The following USH2A variants were observed in gnomAD, a reference collection of about 807,000 sequenced individuals.
USH2A encodes Usher syndrome 2A (autosomal recessive, mild).
Under a neutral mutation model 538.9 loss-of-function variants are expected in USH2A, and 443 were observed. That is an observed-to-expected ratio of 0.82 (90% CI 0.76 to 0.89). The LOEUF is 0.89. Among genes scored for constraint, USH2A ranks in the 40% least tolerant of loss-of-function variants. USH2A has a pLI of 0.00. For synonymous variants in USH2A, 2,413 were observed against 2,273.5 expected (o/e 1.06, Z -1.75); for missense variants, 6,633 against 6,324.8 (o/e 1.05, Z -1.65).
In USH2A at chr1:215,741,486, G is replaced by T; in HGVS notation, c.11600C>A (p.Pro3867Gln). Residue 3867 changes from proline (P) to glutamine (Q), a missense_variant, in exon 60 of 72, where the codon CCA (proline) becomes CAA (glutamine). Coordinates refer to ENST00000307340, the MANE Select transcript of USH2A (RefSeq NM_206933.4). ...AAGAACAGGAGAATTAAGATCCATTGGGGCTGCTTCAGGTGTTTTGACAAA... is the reference window on the plus strand; with the variant it reads ...AAGAACAGGAGAATTAAGATCCATTTGGGCTGCTTCAGGTGTTTTGACAAA... Reference protein sequence around the residue: ...RMFVKTPEAAPMDLNSPVLKA... With the variant: ...RMFVKTPEAAQMDLNSPVLKA... The T allele has an allele frequency of 6.2e-7, 1 of 1,613,688 alleles. No homozygotes were observed. The highest frequency in any genetic ancestry group is 8.5e-7 in the Non-Finnish European group (1 of 1,179,916).
intron 47 of USH2A, among the ~76,000 whole-genome samples, chr1:215,836,513 TA>T (rs1663517076): frequency 9.2e-5 from 3 of 32,704 alleles, no homozygotes; most frequent in African/African-American, 3.1e-4. Flanking sequence ...ATATTATATA[TA>T]TATAATATAT....
chr1:215,755,672 T>A (rs1660770830), intron 58 of USH2A, among the ~76,000 whole-genome samples: 1 of 152,182 alleles, frequency 6.6e-6, no homozygotes, highest in African/African-American at 2.4e-5. Flanking sequence ...GATTGACAGG[T>A]CTGAATATTA....
chr1:216,060,885 T>A (rs963767268), intron 30 of USH2A, among the ~76,000 whole-genome samples: 1 of 152,220 alleles, frequency 6.6e-6, no homozygotes, highest in Non-Finnish European at 1.5e-5. Context: ...GCCAGTCCTG[T>A]CTCTCTGGGC....
chr1:216,279,484 T>C (rs998403819), intron 11 of USH2A, among the ~76,000 whole-genome samples: 2 of 152,152 alleles, frequency 1.3e-5, no homozygotes, highest in African/African-American at 4.8e-5. Flanking sequence ...ATCTTTGATA[T>C]ACAGTGTTCT....
At chr1:216,406,191 G>T (rs1030055898) in intron 3 of USH2A, among the ~76,000 whole-genome samples, 4 of 152,094 alleles carry the variant, frequency 2.6e-5, no homozygotes, top group Admixed American at 6.6e-5. Flanking sequence ...TATGAAAAAT[G>T]GGAAATGTGA....
rs1655849132 is a variant in USH2A, at chr1:215,623,087, T to TAAC, written c.*2691_*2693dup. On this transcript the variant is annotated 3_prime_UTR_variant, in exon 72 of 72. Transcript: ENST00000307340. Reference sequence around the variant, plus strand: ...ATTTTTACATCAGTATATGGTACCATAACATTAATATTTGGGTTCCATTTA... The same window carrying TAAC: ...ATTTTTACATCAGTATATGGTACCATAACAACATTAATATTTGGGTTCCATTTA... 1 of 152,124 alleles carries TAAC rather than the reference T, an allele frequency of 6.6e-6. No homozygotes were observed. The highest frequency in any genetic ancestry group is 2.1e-4 in the South Asian group (1 of 4,836). The allele number at this position is 152,124 out of a possible 1,614,324, so 9.4% of individuals were successfully genotyped here.
At chr1:215,669,749 G>A (rs559961454) in intron 64 of USH2A, among the ~76,000 whole-genome samples, 6 of 152,182 alleles carry the variant, frequency 3.9e-5, no homozygotes, top group African/African-American at 9.6e-5. Context: ...CAAACCATTC[G>A]AGAATTTATT....
intron 32 of USH2A, among the ~76,000 whole-genome samples, chr1:216,038,557 C>T (rs1230226597): frequency 6.6e-6 from 1 of 151,974 alleles, no homozygotes; most frequent in African/African-American, 2.4e-5. Context: ...ATGGTGTCAA[C>T]ACTCAGGAAA....
At chr1:216,147,141 CCT>C (rs1450233565) in intron 21 of USH2A, among the ~76,000 whole-genome samples, 8 of 151,994 alleles carry the variant, frequency 5.3e-5, no homozygotes, top group African/African-American at 1.9e-4. Context: ...CTGCCTGTCC[CCT>C]CAGTACCAAC....
chr1:215,968,539 T>C (rs1667414528), intron 36 of USH2A, among the ~76,000 whole-genome samples: 1 of 152,150 alleles, frequency 6.6e-6, no homozygotes, highest in Admixed American at 6.6e-5. Flanking sequence ...CAAATTCATA[T>C]TTTTTATTAT....
intron 40 of USH2A, among the ~76,000 whole-genome samples, chr1:215,891,442 C>T (rs1040565764): frequency 3.3e-5 from 5 of 152,026 alleles, no homozygotes; most frequent in South Asian, 2.1e-4. Flanking sequence ...AATGATAAGC[C>T]GAATCATCTA....
chr1:215,830,337 C>T (rs140253805), intron 47 of USH2A, among the ~76,000 whole-genome samples: 28 of 152,284 alleles, frequency 1.8e-4, no homozygotes, highest in African/African-American at 6.0e-4. Context: ...AGCTGCACTG[C>T]GGCAGCTGTG....
intron 43 of USH2A, among the ~76,000 whole-genome samples, chr1:215,875,592 T>C (rs1571770491): frequency 6.6e-6 from 1 of 152,230 alleles, no homozygotes; most frequent in East Asian, 1.9e-4. Flanking sequence ...ACTAACTTCA[T>C]GGCCTTGGTC....
Position 215,694,199 on chromosome 1 carries a change from C to T in USH2A, c.12067-13823G>A, listed in dbSNP as rs559877127. ...TAAGACAATCCATCAATACCAGAAT[C>T]GCAAATGAATTACAAATTCGCAACT... On this transcript the variant is annotated intron_variant, in intron 61 of 71. Coordinates refer to ENST00000307340, the MANE Select transcript of USH2A (RefSeq NM_206933.4). Among the ~76,000 whole-genome samples the T allele has an allele frequency of 5.9e-5, 9 of 152,234 alleles. No individual in the cohort carries two copies. The South Asian group carries it at 1.0e-3, about 18-fold the overall frequency.
intron 49 of USH2A, 116 bp from the exon 50 acceptor site, chr1:215,799,241 A>G (rs932762793): frequency 2.0e-5 from 25 of 1,227,156 alleles, no homozygotes; most frequent in South Asian, 4.0e-5. Flanking sequence ...GAATTACTAA[A>G]GAGAATAATA....
At chr1:215,984,143 G>C (rs190282740) in intron 35 of USH2A, among the ~76,000 whole-genome samples, 30 of 152,246 alleles carry the variant, frequency 2.0e-4, no homozygotes, top group Middle Eastern at 6.8e-3. Context: ...AGCCTTACAG[G>C]GCACGGGGCA....
intron 35 of USH2A, among the ~76,000 whole-genome samples, chr1:215,975,367 T>C (rs894525892): frequency 1.3e-5 from 2 of 152,214 alleles, no homozygotes; most frequent in African/African-American, 4.8e-5. Flanking sequence ...GCAATTGCTT[T>C]TGAGGACTTG....
At position 216,196,609 on chromosome 1, in the gene USH2A, T is replaced by G. The variant is rs1284952824; in HGVS notation, c.4195A>C (p.Ile1399Leu). The stretch of plus-strand genomic sequence containing the variant: ...GGTGATTGTTCAGAAAGCATATTGA[T>G]GTCATACCCCACAACTTTTCCTCTT... ...VTRGKVVGYD[I>L]NMLSEQSPQQ... The change falls in exon 19 of 72, where the codon ATC becomes CTC. Residue 1399 changes from isoleucine (I) to leucine (L), a missense_variant. Coordinates refer to ENST00000307340, the MANE Select transcript of USH2A (RefSeq NM_206933.4). 1.9e-6 allele frequency: 3 copies of G among 1,613,482 alleles called. No homozygotes were observed. The African/African-American group carries it at 4.0e-5, about 22-fold the overall frequency.
intron 21 of USH2A, among the ~76,000 whole-genome samples, chr1:216,112,361 C>A (rs113963004): frequency 0.025 from 3,791 of 152,028 alleles, 171 homozygotes; most frequent in African/African-American, 0.085. Context: ...AAAAGTAGGG[C>A]AATACCTGAG....
Sources: gnomAD v4.1 joint callset for allele counts (sites outside exome capture counted in the v4.1 genomes callset) on GRCh38, gnomAD v4.1.1 for gene constraint, MANE v1.5 for transcripts, NCBI Gene and HGNC (gene_info 2026-07-23, HGNC 2026-07-21) for gene names.